The following ASCC1 variants were observed in gnomAD, a reference collection of about 807,000 sequenced individuals.
The protein encoded by ASCC1 is activating signal cointegrator 1 complex subunit 1.
In ASCC1, 35 loss-of-function variants were observed where a neutral mutation model predicts 46.6. That is an observed-to-expected ratio of 0.75 (90% CI 0.57 to 0.99). ASCC1 has a LOEUF of 0.99. Ranked by LOEUF, ASCC1 falls within the 50% of genes least tolerant of loss-of-function variation. The pLI is 0.00. For synonymous variants in ASCC1, 143 were observed against 146.6 expected (o/e 0.98, Z 0.18); for missense variants, 376 against 428.7 (o/e 0.88, Z 1.09).
intron 5 of ASCC1, among the ~76,000 whole-genome samples, chr10:72,193,112 T>A (rs2093534372): frequency 6.6e-6 from 1 of 152,192 alleles, no homozygotes; most frequent in South Asian, 2.1e-4. Context: ...CTACCATACA[T>A]CACAGCAACC....
intron 7 of ASCC1, chr10:72,133,953 C>T (rs1845891248): frequency 6.6e-6 from 1 of 152,312 alleles, no homozygotes; most frequent in Non-Finnish European, 1.5e-5. Context: ...AGTTACAAAA[C>T]TTGACCAACT....
intron 7 of ASCC1, among the ~76,000 whole-genome samples, chr10:72,143,118 G>A (rs918610843): frequency 3.4e-5 from 5 of 147,660 alleles, no homozygotes; most frequent in African/African-American, 7.6e-5. Context: ...CAGAGATGGT[G>A]CCACTGCACT....
intron 8 of ASCC1, among the ~76,000 whole-genome samples, chr10:72,131,870 T>C (rs74805699): frequency 0.044 from 6,308 of 144,086 alleles, 406 homozygotes; most frequent in African/African-American, 0.14. Context: ...CTCCTCTAGA[T>C]AGATTTTTTT....
At chr10:72,133,617 A>C in intron 7 of ASCC1, 1 of 256,184 alleles carries the variant, frequency 3.9e-6, no homozygotes, top group Non-Finnish European at 7.7e-6. Context: ...TTTACAATAC[A>C]GTTATGACAG....
chr10:72,170,606 A>G (rs186143199), intron 5 of ASCC1, among the ~76,000 whole-genome samples: 4 of 151,692 alleles, frequency 2.6e-5, no homozygotes, highest in African/African-American at 9.7e-5. Context: ...AAAAAAAAAA[A>G]AAAAAAAGAA....
chr10:72,150,211 C>A (rs935048633), intron 7 of ASCC1, among the ~76,000 whole-genome samples: 8 of 151,662 alleles, frequency 5.3e-5, no homozygotes, highest in African/African-American at 1.9e-4. Flanking sequence ...AAATCTGGCA[C>A]AGAACACACA....
intron 9 of ASCC1, among the ~76,000 whole-genome samples, chr10:72,099,101 C>T (rs1564565814): frequency 2.6e-5 from 4 of 152,156 alleles, no homozygotes; most frequent in African/African-American, 9.7e-5. Context: ...CAACAAGTTA[C>T]TTTTTAAGGA....
chr10:72,175,519 T>G (rs1339130927), intron 5 of ASCC1, among the ~76,000 whole-genome samples: 1 of 152,202 alleles, frequency 6.6e-6, no homozygotes. Context: ...CTGTATAAGC[T>G]TTAGAAAAAA....
chr10:72,145,942 C>T (rs575626710), intron 7 of ASCC1, among the ~76,000 whole-genome samples: 2 of 152,330 alleles, frequency 1.3e-5, no homozygotes, highest in African/African-American at 2.4e-5. Flanking sequence ...TAAACCCTGC[C>T]TGTTCTGCAG....
intron 5 of ASCC1, among the ~76,000 whole-genome samples, chr10:72,177,464 G>A (rs1251246941): frequency 2.0e-5 from 3 of 152,180 alleles, no homozygotes; most frequent in Non-Finnish European, 4.4e-5. Context: ...GGGAGTTAGG[G>A]GGATGCAGAC....
intron 5 of ASCC1, among the ~76,000 whole-genome samples, chr10:72,192,773 C>A (rs560648956): frequency 1.3e-5 from 2 of 152,320 alleles, no homozygotes; most frequent in East Asian, 3.9e-4. Flanking sequence ...GGATCACAGG[C>A]ATGGGGCACT....
chr10:72,117,521 C>A (rs922148169), intron 9 of ASCC1, among the ~76,000 whole-genome samples: 9 of 152,158 alleles, frequency 5.9e-5, no homozygotes, highest in African/African-American at 2.2e-4. Flanking sequence ...TTTCTCTTTG[C>A]CATTTGCCAG....
rs776136163 is a variant in ASCC1, at chr10:72,196,836, T to G, written c.464A>C (p.Glu155Ala). 14 of 1,613,328 alleles carry G rather than the reference T, an allele frequency of 8.7e-6. No individual in the cohort carries two copies. Among genetic ancestry groups the G allele is most frequent in the Non-Finnish European group, 1.2e-5 (14 of 1,179,992 alleles). ...CATGGAGCACTTCGCCAGTACTTCC[T>G]CCTGGAATCTCAGGAATCCTTCCTG... ...EVQEGFLRFQ[E>A]EVLAKCSMDH... is the part of the protein sequence containing the mutation. Residue 155 changes from glutamate to alanine, a missense_variant, in exon 5 of 10, where the codon GAG becomes GCG. Transcript: ENST00000672957.
intron 5 of ASCC1, among the ~76,000 whole-genome samples, chr10:72,166,550 C>T (rs1850370654): frequency 1.4e-5 from 2 of 144,884 alleles, no homozygotes; most frequent in Non-Finnish European, 3.0e-5. Flanking sequence ...GATATGACAC[C>T]AAAAGCATAA....
At chr10:72,201,464 C>T (rs958665016) in intron 4 of ASCC1, among the ~76,000 whole-genome samples, 1 of 151,810 alleles carries the variant, frequency 6.6e-6, no homozygotes, top group African/African-American at 2.4e-5. Flanking sequence ...CAAGGAGGAT[C>T]GCTCAAGCCC....
intron 9 of ASCC1, among the ~76,000 whole-genome samples, chr10:72,122,734 T>C (rs986657775): frequency 2.0e-5 from 3 of 152,082 alleles, no homozygotes; most frequent in Non-Finnish European, 2.9e-5. Context: ...GCTATGATTG[T>C]GCCACTGCAC....
At chr10:72,143,666 G>A (rs1423153843) in intron 7 of ASCC1, among the ~76,000 whole-genome samples, 1 of 149,188 alleles carries the variant, frequency 6.7e-6, no homozygotes, top group East Asian at 2.0e-4. Context: ...TGCCTGAAAA[G>A]AATATGAATT....
chr10:72,206,747 C>T (rs1589641362), intron 3 of ASCC1, among the ~76,000 whole-genome samples: 1 of 152,134 alleles, frequency 6.6e-6, no homozygotes, highest in Admixed American at 6.6e-5. Flanking sequence ...ATCCCTGACC[C>T]GTTTATGGAA....
intron 1 of ASCC1, among the ~76,000 whole-genome samples, chr10:72,215,226 C>A (rs913035884): frequency 6.6e-6 from 1 of 152,104 alleles, no homozygotes; most frequent in African/African-American, 2.4e-5. Flanking sequence ...TGATGAAACC[C>A]CGTCTCTACT....
Sources: gnomAD v4.1 joint callset for allele counts (sites outside exome capture counted in the v4.1 genomes callset) on GRCh38, gnomAD v4.1.1 for gene constraint, MANE v1.5 for transcripts, NCBI Gene and HGNC (gene_info 2026-07-23, HGNC 2026-07-21) for gene names.